The following DAB1 variants were observed in gnomAD, a reference collection of about 807,000 sequenced individuals.
The protein encoded by DAB1 is DAB adaptor protein 1.
Under a neutral mutation model 64.6 loss-of-function variants are expected in DAB1, and 15 were observed. That is an observed-to-expected ratio of 0.23 (90% CI 0.16 to 0.36). DAB1 has a LOEUF of 0.36. DAB1 is among the 10% of genes least tolerant of loss of function. The pLI, the probability that DAB1 is intolerant of heterozygous loss-of-function variation, is 1.00. For synonymous variants in DAB1, 235 were observed against 251.9 expected (o/e 0.93, Z 0.64); for missense variants, 596 against 706.7 (o/e 0.84, Z 1.78).
At chr1:58,142,483 A>G (rs557682000) in intron 5 of DAB1, among the ~76,000 whole-genome samples, 14 of 152,254 alleles carry the variant, frequency 9.2e-5, no homozygotes, top group Middle Eastern at 3.4e-3. Flanking sequence ...TCCTTGATCT[A>G]GGGGAGATGG....
chr1:57,548,022 A>G (rs1644874794), intron 7 of DAB1, among the ~76,000 whole-genome samples: 1 of 152,184 alleles, frequency 6.6e-6, no homozygotes, highest in East Asian at 1.9e-4. Flanking sequence ...GTTCACAATC[A>G]TGTAATGCAA....
chr1:57,312,576 C>T (rs1356769201), intron 1 of DAB1, among the ~76,000 whole-genome samples: 3 of 152,148 alleles, frequency 2.0e-5, no homozygotes, highest in African/African-American at 7.2e-5. Flanking sequence ...AGTGAAATGC[C>T]ATAGGGAACA....
intron 6 of DAB1, among the ~76,000 whole-genome samples, chr1:57,696,267 C>G (rs1179451648): frequency 6.6e-6 from 1 of 152,260 alleles, no homozygotes; most frequent in South Asian, 2.1e-4. Context: ...CCCCGGGAAA[C>G]AGGCCTGAGA....
chr1:57,323,665 C>G (rs1166265748), intron 1 of DAB1, among the ~76,000 whole-genome samples: 3 of 151,976 alleles, frequency 2.0e-5, no homozygotes, highest in African/African-American at 7.3e-5. Context: ...AGCAGGGTGT[C>G]CAGCCTACTG....
intron 1 of DAB1, among the ~76,000 whole-genome samples, chr1:57,412,598 G>T (rs1334379209): frequency 6.6e-6 from 1 of 152,212 alleles, no homozygotes; most frequent in Non-Finnish European, 1.5e-5. Context: ...GATATGGAAA[G>T]AATTTTAGTG....
chr1:58,167,204 G>C (rs751677522), intron 4 of DAB1, among the ~76,000 whole-genome samples: 1 of 152,202 alleles, frequency 6.6e-6, no homozygotes, highest in Non-Finnish European at 1.5e-5. Flanking sequence ...TGGGGACTTG[G>C]AAAACTTTTG....
chr1:57,071,693 G>C lies in DAB1; in HGVS notation c.439-52C>G, dbSNP rs563971293. 1.9e-4 allele frequency: 296 copies of C among 1,563,346 alleles called. 9 individuals are homozygous for C. In the South Asian group the frequency reaches 3.6e-3, roughly 19 times the overall value. On this transcript the variant is annotated intron_variant, in intron 5 of 14. Coordinates refer to ENST00000371236, the MANE Select transcript of DAB1 (RefSeq NM_001365792.1). ...CATAAGGGAATGGTACTGAGACGCA[G>C]CAACAAATTTTTGTTTTTGCGGCGA...
chr1:58,151,691 G>T (rs1302706819), intron 4 of DAB1, among the ~76,000 whole-genome samples: 2 of 152,156 alleles, frequency 1.3e-5, no homozygotes, highest in African/African-American at 4.8e-5. Context: ...CATTCATTCA[G>T]CAAACGGTTC....
intron 6 of DAB1, among the ~76,000 whole-genome samples, chr1:57,708,685 A>G (rs1194756873): frequency 6.6e-6 from 1 of 152,190 alleles, no homozygotes; most frequent in East Asian, 1.9e-4. Context: ...GGGTGCCAGC[A>G]GAATTCTGCC....
intron 2 of DAB1, among the ~76,000 whole-genome samples, chr1:57,260,323 G>A (rs1670086547): frequency 6.6e-6 from 1 of 152,184 alleles, no homozygotes. Flanking sequence ...CTTACTGAGT[G>A]TCAGGCAGTA....
intron 10 of DAB1, among the ~76,000 whole-genome samples, chr1:57,024,697 T>C (rs962501943): frequency 2.0e-5 from 3 of 152,098 alleles, no homozygotes; most frequent in African/African-American, 7.2e-5. Context: ...CTTGGGTGAG[T>C]CACATGTCCT....
At chr1:57,369,488 G>C (rs1680322471) in intron 1 of DAB1, among the ~76,000 whole-genome samples, 1 of 152,110 alleles carries the variant, frequency 6.6e-6, no homozygotes, top group African/African-American at 2.4e-5. Flanking sequence ...AAAATGGCAG[G>C]TAAGAAATAT....
chr1:58,202,435 T>C (rs1256247554), intron 4 of DAB1, among the ~76,000 whole-genome samples: 3 of 152,214 alleles, frequency 2.0e-5, no homozygotes, highest in African/African-American at 7.2e-5. Flanking sequence ...ATGGTGTAAC[T>C]TTTTTGACAT....
intron 2 of DAB1, among the ~76,000 whole-genome samples, chr1:57,173,987 G>A (rs771633871): frequency 2.0e-5 from 3 of 152,238 alleles, no homozygotes; most frequent in Non-Finnish European, 4.4e-5. Context: ...TGAAGTCCCT[G>A]GATTGGAATT....
intron 7 of DAB1, among the ~76,000 whole-genome samples, chr1:57,452,166 C>CACTT (rs367685387): frequency 4.0e-5 from 3 of 75,010 alleles, no homozygotes; most frequent in Non-Finnish European, 6.9e-5. Flanking sequence ...TGCACCCCCC[C>CACTT]TTTTTTTTTT....
chr1:58,155,985 T>G (rs1415660972), intron 4 of DAB1, among the ~76,000 whole-genome samples: 1 of 152,228 alleles, frequency 6.6e-6, no homozygotes, highest in Non-Finnish European at 1.5e-5. Flanking sequence ...TGTTGTCTTA[T>G]GAGGAAGAGA....
intron 1 of DAB1, among the ~76,000 whole-genome samples, chr1:57,848,121 G>C (rs1287831674): frequency 2.0e-5 from 3 of 152,172 alleles, no homozygotes; most frequent in Non-Finnish European, 2.9e-5. Context: ...CAACCTTAAA[G>C]AAAGAATGCA....
intron 7 of DAB1, among the ~76,000 whole-genome samples, chr1:57,448,937 C>T (rs188511045): frequency 7.3e-4 from 111 of 152,218 alleles, no homozygotes; most frequent in African/African-American, 2.6e-3. Context: ...CAAATCTAAC[C>T]CCAAGGCTCA....
chr1:58,484,610 A>G (rs1645543636), intron 3 of DAB1, among the ~76,000 whole-genome samples: 1 of 152,246 alleles, frequency 6.6e-6, no homozygotes, highest in Non-Finnish European at 1.5e-5. Context: ...AGGAACAAAA[A>G]GCTGGCTTGG....
Sources: allele counts gnomAD v4.1 joint callset (sites outside exome capture counted in the v4.1 genomes callset), GRCh38; gene constraint gnomAD v4.1.1; transcripts MANE v1.5; gene names NCBI Gene and HGNC (gene_info 2026-07-23, HGNC 2026-07-21).